The following LYST variants were observed in gnomAD, a reference collection of about 807,000 sequenced individuals.
LYST encodes the protein lysosomal-trafficking regulator.
LYST carries 192 observed loss-of-function variants against 413.6 expected under a neutral mutation model. The observed-to-expected ratio is 0.46, with a 90% CI of 0.41 to 0.52. The LOEUF (loss-of-function observed/expected upper bound fraction) is 0.52, where lower values mean the gene tolerates loss of function less well. LYST is among the 20% of genes least tolerant of loss of function. The pLI, the probability that LYST is intolerant of heterozygous loss-of-function variation, is 0.00. For missense variants in LYST, 3,815 were observed against 4,499.9 expected (o/e 0.85, Z 4.35); for synonymous variants, 1,525 against 1,567.3 (o/e 0.97, Z 0.64).
intron 1 of LYST, among the ~76,000 whole-genome samples, chr1:235,843,408 A>C (rs935764358): frequency 6.6e-6 from 1 of 152,182 alleles, no homozygotes; most frequent in Non-Finnish European, 1.5e-5. Flanking sequence ...GGAATCTAGC[A>C]ATTACTAGCT....
chr1:235,840,581 G>T (rs1211386500), intron 1 of LYST, among the ~76,000 whole-genome samples: 1 of 152,072 alleles, frequency 6.6e-6, no homozygotes, highest in Non-Finnish European at 1.5e-5. Context: ...CCTAAACATC[G>T]GTATTTTTAA....
rs1311779441 is a variant in LYST, at chr1:235,777,343, C to T, written c.5215-35G>A. 5 of 1,595,418 alleles carry T rather than the reference C, an allele frequency of 3.1e-6. No individual in the cohort carries two copies. The East Asian group carries it at 1.1e-4, about 36-fold the overall frequency. On this transcript the variant is annotated intron_variant, in intron 16 of 52. Coordinates refer to ENST00000389793, the MANE Select transcript of LYST (RefSeq NM_000081.4). ...AAATATTTTCATTCAGTAATGACAA[C>T]AAGTTTAAAATGCAAGCTATGAACT...
chr1:235,707,939 G>A (rs957875057), intron 44 of LYST, among the ~76,000 whole-genome samples: 7 of 152,032 alleles, frequency 4.6e-5, no homozygotes, highest in Admixed American at 4.6e-4. Context: ...CCAAAAATCT[G>A]AAATCTGATA....
intron 50 of LYST, among the ~76,000 whole-genome samples, chr1:235,672,413 A>T (rs777369700): frequency 6.6e-6 from 1 of 152,292 alleles, no homozygotes; most frequent in Non-Finnish European, 1.5e-5. Flanking sequence ...AGGACCCACC[A>T]GTGACCTAGA....
chr1:235,759,610 T>C lies in LYST; in HGVS notation c.6254-11A>G, dbSNP rs760898723. 4.4e-6 allele frequency: 7 copies of C among 1,605,578 alleles called. No homozygotes were observed. In the East Asian group the frequency reaches 1.1e-4, roughly 26 times the overall value. On this transcript the variant is annotated splice_polypyrimidine_tract_variant and intron_variant, in intron 22 of 52. Coordinates refer to ENST00000389793, the MANE Select transcript of LYST (RefSeq NM_000081.4). ...TAGAGGAATTCTCTCCTGGTAAGAG[T>C]AGATACAAAAATACTACTTAAAAAT...
rs377563551 is a variant in LYST at position 235,781,952 on chromosome 1, G to T, written c.4998C>A (p.Asp1666Glu). ...EEFLQLAGKW[D>E]LGNLLLFNGA... Reference sequence around the variant, plus strand: ...CGTTGAAGAGAAGCAAATTTCCCAGGTCCCATTTTCCAGCCAACTGCAAAA... The same window carrying T: ...CGTTGAAGAGAAGCAAATTTCCCAGTTCCCATTTTCCAGCCAACTGCAAAA... Residue 1666 changes from aspartate to glutamate, a missense_variant, in exon 15 of 53, where the codon GAC becomes GAA. Asp to Glu is a conservative substitution (Grantham distance 45). Transcript: ENST00000389793. The T allele has an allele frequency of 1.5e-5, 24 of 1,613,236 alleles. No individual in the cohort carries two copies. Among genetic ancestry groups the T allele is most frequent in the Non-Finnish European group, 1.8e-5 (21 of 1,179,418 alleles).
chr1:235,758,909 GT>G, intron 23 of LYST, 62 bp downstream of exon 23: 6 of 1,498,936 alleles, frequency 4.0e-6, no homozygotes, highest in Non-Finnish European at 5.6e-6. Context: ...TTCCAGAGGG[GT>G]AGAGAGTCTT....
intron 8 of LYST, among the ~76,000 whole-genome samples, chr1:235,802,062 C>T (rs919969158): frequency 2.6e-5 from 4 of 151,808 alleles, no homozygotes; most frequent in Non-Finnish European, 5.9e-5. Context: ...GGCATGGTGG[C>T]GGGCTCCTGA....
At chr1:235,709,415 C>A in intron 43 of LYST, 107 bp from the exon 44 acceptor site, 9 of 849,862 alleles carry the variant, frequency 1.1e-5, no homozygotes, top group South Asian at 6.1e-5. Flanking sequence ...TGTGCTACAA[C>A]CAAAAAAGGG....
chr1:235,823,817 T>A (rs138588013), intron 3 of LYST, among the ~76,000 whole-genome samples: 2 of 152,348 alleles, frequency 1.3e-5, no homozygotes, highest in African/African-American at 4.8e-5. Context: ...TGATGACCCC[T>A]CTCCACTACA....
chr1:235,676,961 T>C (rs1486909002), intron 50 of LYST, 130 bp downstream of exon 50: 2 of 735,654 alleles, frequency 2.7e-6, no homozygotes, highest in Non-Finnish European at 5.1e-6. Context: ...TCTATACACA[T>C]ACATGCTGTT....
At chr1:235,666,607 TACAC>T (rs10635511) in intron 50 of LYST, among the ~76,000 whole-genome samples, 1,783 of 141,440 alleles carry the variant, frequency 0.013, 12 homozygotes, top group South Asian at 0.033. Flanking sequence ...CACACACACA[TACAC>T]ACACACACAC....
intron 14 of LYST, among the ~76,000 whole-genome samples, chr1:235,782,625 G>A (rs1216510388): frequency 1.3e-5 from 2 of 152,146 alleles, no homozygotes; most frequent in East Asian, 1.9e-4. Flanking sequence ...CAGGCCATGG[G>A]AAATGTGACT....
chr1:235,759,258 C>A lies in LYST; in HGVS notation c.6595G>T (p.Val2199Leu), dbSNP rs1051027472. 6.2e-7 allele frequency: 1 copy of A among 1,614,176 alleles called. No individual in the cohort carries two copies. Among genetic ancestry groups the A allele is most frequent in the Admixed American group, 1.7e-5 (1 of 59,982 alleles). Reference sequence around the variant, plus strand: ...AACTGTTTATGATCTGCTTTGACCACTGGAAATCCCAGCACTCCCTTTGGG... The same window carrying A: ...AACTGTTTATGATCTGCTTTGACCAATGGAAATCCCAGCACTCCCTTTGGG... ...DVPKGVLGFP[V>L]VKADHKQLGA... The change falls in exon 23 of 53, where the codon GTG (valine) becomes TTG (leucine). Residue 2199 changes from valine to leucine, a missense_variant. By Grantham distance (32) the Val-to-Leu change is conservative. Coordinates refer to ENST00000389793, the MANE Select transcript of LYST (RefSeq NM_000081.4).
chr1:235,702,329 C>CA (rs1220790195), intron 45 of LYST, among the ~76,000 whole-genome samples: 1 of 152,216 alleles, frequency 6.6e-6, no homozygotes, highest in Non-Finnish European at 1.5e-5. Context: ...AAAACATCCG[C>CA]ATCACTGGTC....
intron 31 of LYST, chr1:235,737,917 G>GTGA: frequency 8.6e-7 from 1 of 1,160,142 alleles, no homozygotes; most frequent in Non-Finnish European, 1.1e-6. Context: ...CTGCCGACGA[G>GTGA]TCTGGATCTC....
intron 12 of LYST, 25 bp downstream of exon 12, chr1:235,791,674 A>C: frequency 6.3e-7 from 1 of 1,579,592 alleles, no homozygotes; most frequent in Non-Finnish European, 8.7e-7. Context: ...CTTTGTGTAC[A>C]AATCAGATAA....
At chr1:235,873,807 A>G (rs1282904701) in intron 1 of LYST, among the ~76,000 whole-genome samples, 1 of 152,212 alleles carries the variant, frequency 6.6e-6, no homozygotes, top group Non-Finnish European at 1.5e-5. Context: ...GTCCTACACA[A>G]TAGACAGGCT....
chr1:235,774,825 A>C (rs1044877815), intron 18 of LYST, 88 bp downstream of exon 18: 7 of 874,604 alleles, frequency 8.0e-6, no homozygotes, highest in African/African-American at 5.0e-5. Flanking sequence ...GGAATAACTG[A>C]AATACAAAAC....
Sources: gnomAD v4.1 joint callset for allele counts (sites outside exome capture counted in the v4.1 genomes callset) on GRCh38, gnomAD v4.1.1 for gene constraint, MANE v1.5 for transcripts, NCBI Gene and HGNC (gene_info 2026-07-23, HGNC 2026-07-21) for gene names.